Variants in CCSER1 observed in about 807,000 individuals in gnomAD.
CCSER1 encodes serine-rich coiled-coil domain-containing protein 1.
A neutral mutation model predicts 82.0 loss-of-function variants in CCSER1; 41 were observed. The ratio of observed to expected loss-of-function variants is 0.50; its 90% CI spans 0.39 to 0.65. CCSER1 has a LOEUF of 0.65. CCSER1 is among the 30% of genes least tolerant of loss of function. The probability of loss-of-function intolerance (pLI) is 0.00; values close to 1 mark genes in which losing one functional copy is unlikely to be tolerated. For missense variants in CCSER1, 1,119 were observed against 1,064.2 expected, an observed-to-expected ratio of 1.05 and a Z score of -0.72; for synonymous variants, 414 against 383.9, an observed-to-expected ratio of 1.08 and a Z score of -0.92.
intron 10 of CCSER1, among the ~76,000 whole-genome samples, chr4:91,483,076 T>C (rs1254994612): frequency 6.6e-6 from 1 of 150,456 alleles, no homozygotes; most frequent in Non-Finnish European, 1.5e-5. Context: ...ATATGTACCC[T>C]AGAACTTAAA....
In CCSER1 at chr4:91,288,623, G is replaced by A. The variant is rs553921208; in HGVS notation, c.2217+202629G>A. Among the ~76,000 whole-genome samples the A allele has an allele frequency of 1.2e-4, 18 of 152,068 alleles. No individual in the cohort carries two copies. The South Asian group carries it at 3.3e-3, about 28-fold the overall frequency. On this transcript the variant is annotated intron_variant, in intron 10 of 10. Coordinates refer to ENST00000509176, the MANE Select transcript of CCSER1 (RefSeq NM_001145065.2). Reference sequence around the variant, plus strand: ...TAAAGGCTTGAAGAAGGGAACAACAGCTACTGCAAGAAAGGCACAAAACTC... The same window carrying A: ...TAAAGGCTTGAAGAAGGGAACAACAACTACTGCAAGAAAGGCACAAAACTC...
At chr4:91,181,157 C>G (rs937393879) in intron 10 of CCSER1, among the ~76,000 whole-genome samples, 2 of 152,098 alleles carry the variant, frequency 1.3e-5, no homozygotes, top group African/African-American at 4.8e-5. Context: ...GTTTTGGGGC[C>G]AGTTTATGGC....
At chr4:91,294,350 G>C (rs189940303) in intron 10 of CCSER1, among the ~76,000 whole-genome samples, 7 of 151,948 alleles carry the variant, frequency 4.6e-5, no homozygotes, top group African/African-American at 9.6e-5. Context: ...AATTCTAGTG[G>C]AGACTTAATA....
chr4:90,269,393 T>G (rs1725838842), intron 1 of CCSER1, among the ~76,000 whole-genome samples: 1 of 152,040 alleles, frequency 6.6e-6, no homozygotes, highest in Non-Finnish European at 1.5e-5. Flanking sequence ...TTTTGAAAGA[T>G]GTACAACACA....
At chr4:91,400,232 A>G (rs1365971970) in intron 10 of CCSER1, among the ~76,000 whole-genome samples, 1 of 151,986 alleles carries the variant, frequency 6.6e-6, no homozygotes, top group African/African-American at 2.4e-5. Context: ...AAATGCATCT[A>G]TCAGCTTTTC....
At chr4:91,124,006 A>C (rs1727299635) in intron 10 of CCSER1, among the ~76,000 whole-genome samples, 1 of 151,750 alleles carries the variant, frequency 6.6e-6, no homozygotes. Flanking sequence ...AGCAGGACAC[A>C]CTAGCACAAA....
chr4:91,021,237 A>G (rs915025831), intron 9 of CCSER1, among the ~76,000 whole-genome samples: 1 of 152,068 alleles, frequency 6.6e-6, no homozygotes, highest in Non-Finnish European at 1.5e-5. Flanking sequence ...CTTCTAAGTC[A>G]GTATTAGAAG....
chr4:90,815,586 A>T (rs1413162220), intron 7 of CCSER1, among the ~76,000 whole-genome samples, 176 bp from the exon 8 acceptor site: 1 of 152,038 alleles, frequency 6.6e-6, no homozygotes, highest in African/African-American at 2.4e-5. Context: ...TTTTTTGGAT[A>T]CATTAACTTA....
At chr4:91,544,847 A>C (rs933880877) in intron 10 of CCSER1, among the ~76,000 whole-genome samples, 2 of 152,158 alleles carry the variant, frequency 1.3e-5, no homozygotes, top group Non-Finnish European at 2.9e-5. Context: ...TCAGACAGGG[A>C]CATTTAAGTC....
At chr4:90,190,953 A>G (rs1364539033) in intron 1 of CCSER1, among the ~76,000 whole-genome samples, 2 of 152,222 alleles carry the variant, frequency 1.3e-5, no homozygotes, top group East Asian at 3.9e-4. Flanking sequence ...GCTAACACAA[A>G]TTGGAAAAGA....
intron 8 of CCSER1, among the ~76,000 whole-genome samples, chr4:90,842,352 T>TA (rs1371646090): frequency 6.6e-6 from 1 of 152,230 alleles, no homozygotes. Flanking sequence ...GGGTGAGTTC[T>TA]ATGGCTATCT....
At chr4:90,798,615 C>T (rs929935441) in intron 7 of CCSER1, among the ~76,000 whole-genome samples, 7 of 152,276 alleles carry the variant, frequency 4.6e-5, no homozygotes, top group Non-Finnish European at 2.9e-5. Flanking sequence ...GCTTATCTAC[C>T]TTCAGTGTTT....
chr4:90,786,120 A>G (rs1447698187), intron 7 of CCSER1, among the ~76,000 whole-genome samples: 2 of 152,212 alleles, frequency 1.3e-5, no homozygotes, highest in East Asian at 1.9e-4. Flanking sequence ...AAGGGCTTTC[A>G]TAATGCAGAA....
In CCSER1 at chr4:90,185,075, C is replaced by T. The variant is rs144350548; in HGVS notation, c.-42+57244C>T. Among the ~76,000 whole-genome samples the T allele has an allele frequency of 6.1e-3, 932 of 152,112 alleles. 13 individuals carry two copies. The highest frequency in any genetic ancestry group is 0.021 in the African/African-American group (866 of 41,494). On this transcript the variant is annotated intron_variant, in intron 1 of 10. Coordinates refer to ENST00000509176, the MANE Select transcript of CCSER1 (RefSeq NM_001145065.2). The stretch of plus-strand genomic sequence containing the variant: ...GGACAGTATTCCCATCAGTGTCACT[C>T]GCTGTTGTATCTGAGAGTCAGCAGT...
intron 3 of CCSER1, among the ~76,000 whole-genome samples, chr4:90,360,245 A>G (rs1166845272): frequency 7.1e-6 from 1 of 141,392 alleles, no homozygotes; most frequent in Non-Finnish European, 1.5e-5. Flanking sequence ...AAAAACATCC[A>G]CGGCCAGACG....
At position 91,131,303 on chromosome 4, in the gene CCSER1, C is replaced by G. The variant is rs1727968401; in HGVS notation, c.2217+45309C>G. Among the ~76,000 whole-genome samples, 4 of 147,158 alleles carry G rather than the reference C, an allele frequency of 2.7e-5. No homozygotes were observed. The Admixed American group carries it at 2.7e-4, about 10-fold the overall frequency. On this transcript the variant is annotated intron_variant, in intron 10 of 10. Coordinates refer to ENST00000509176, the MANE Select transcript of CCSER1 (RefSeq NM_001145065.2). ...GTCTTTAGTTTTCAGGTAATTTTGTCTCCTTTAATCTAGAACAGTTCTCCC... is the reference window on the plus strand; with the variant it reads ...GTCTTTAGTTTTCAGGTAATTTTGTGTCCTTTAATCTAGAACAGTTCTCCC...
intron 5 of CCSER1, among the ~76,000 whole-genome samples, chr4:90,478,888 G>A (rs1470078464): frequency 6.6e-6 from 1 of 151,728 alleles, no homozygotes; most frequent in South Asian, 2.1e-4. Context: ...TTATAGGCAC[G>A]TGCCACCACA....
At chr4:91,418,093 G>T (rs2149380049) in intron 10 of CCSER1, among the ~76,000 whole-genome samples, 1 of 152,092 alleles carries the variant, frequency 6.6e-6, no homozygotes, top group South Asian at 2.1e-4. Context: ...AGCAGTTCTA[G>T]AAGGGAAGCT....
At chr4:91,541,532 C>T (rs1198218282) in intron 10 of CCSER1, among the ~76,000 whole-genome samples, 1 of 152,178 alleles carries the variant, frequency 6.6e-6, no homozygotes, top group Non-Finnish European at 1.5e-5. Context: ...CCAGCTTCAT[C>T]CATGTCCCTA....
Sources: allele counts gnomAD v4.1 joint callset (sites outside exome capture counted in the v4.1 genomes callset), GRCh38; gene constraint gnomAD v4.1.1; transcripts MANE v1.5; gene names NCBI Gene and HGNC (gene_info 2026-07-23, HGNC 2026-07-21).